The following ABLIM3 variants were observed in gnomAD, a reference collection of about 807,000 sequenced individuals.
ABLIM3 encodes actin binding LIM protein family member 3, also known as actin-binding LIM protein 3.
Under a neutral mutation model 109.5 loss-of-function variants are expected in ABLIM3, and 61 were observed. The observed-to-expected ratio is 0.56, with a 90% CI of 0.45 to 0.69. The LOEUF (loss-of-function observed/expected upper bound fraction) is 0.69. ABLIM3 is among the 30% of genes least tolerant of loss of function. The pLI is 0.00. For missense variants in ABLIM3, 796 were observed against 889.5 expected (o/e 0.89, Z 1.34); for synonymous variants, 300 against 324.8 (o/e 0.92, Z 0.82).
intron 15 of ABLIM3, 67 bp from the exon 16 acceptor site, chr5:149,244,814 A>T (rs1280102919): frequency 6.2e-7 from 1 of 1,603,644 alleles, no homozygotes; most frequent in Non-Finnish European, 8.5e-7. Flanking sequence ...TAAAGATAGG[A>T]AAAGGGTACA....
chr5:149,159,642 C>T (rs1561539452), intron 2 of ABLIM3, among the ~76,000 whole-genome samples: 1 of 152,196 alleles, frequency 6.6e-6, no homozygotes, highest in Non-Finnish European at 1.5e-5. Flanking sequence ...CCTGCTAACT[C>T]TGTGACCTCT....
intron 8 of ABLIM3, among the ~76,000 whole-genome samples, chr5:149,225,222 A>C (rs1761052250): frequency 7.0e-6 from 1 of 143,118 alleles, no homozygotes; most frequent in South Asian, 2.4e-4. Context: ...TGCATTCACA[A>C]TGTTGTACAA....
intron 2 of ABLIM3, among the ~76,000 whole-genome samples, chr5:149,168,710 A>G (rs1232851864): frequency 6.6e-6 from 1 of 152,266 alleles, no homozygotes. Flanking sequence ...AACACATCAG[A>G]GAAAATATAC....
chr5:149,222,856 C>G (rs1303447415), intron 8 of ABLIM3, among the ~76,000 whole-genome samples: 1 of 151,962 alleles, frequency 6.6e-6, no homozygotes, highest in Non-Finnish European at 1.5e-5. Context: ...CATGAAACCA[C>G]CCTCTAAAAG....
At chr5:149,214,862 C>A (rs764418259) in intron 7 of ABLIM3, among the ~76,000 whole-genome samples, 2 of 152,136 alleles carry the variant, frequency 1.3e-5, no homozygotes, top group Non-Finnish European at 2.9e-5. Context: ...CATTTTTGAA[C>A]CTGGTTTGCT....
chr5:149,143,776 C>T (rs1344595995), intron 2 of ABLIM3, among the ~76,000 whole-genome samples: 2 of 152,110 alleles, frequency 1.3e-5, no homozygotes, highest in African/African-American at 4.8e-5. Flanking sequence ...GAGGAAAATC[C>T]TGTAGCCTCT....
chr5:149,183,383 T>A, intron 2 of ABLIM3, 69 bp from the exon 3 acceptor site: 1 of 1,435,508 alleles, frequency 7.0e-7, no homozygotes. Flanking sequence ...ACAATTATGA[T>A]AATGTCTTGC....
At chr5:149,212,685 T>C (rs957011673) in intron 7 of ABLIM3, among the ~76,000 whole-genome samples, 3 of 152,144 alleles carry the variant, frequency 2.0e-5, no homozygotes, top group Non-Finnish European at 4.4e-5. Flanking sequence ...CAAAGAATTA[T>C]CTATTTCTGA....
At chr5:149,246,592 C>T in intron 17 of ABLIM3, 46 bp downstream of exon 17, 4 of 1,569,012 alleles carry the variant, frequency 2.5e-6, no homozygotes, top group Non-Finnish European at 3.5e-6. Flanking sequence ...GAGCGTATAT[C>T]ACTGAGGGTC....
At chr5:149,143,799 G>A (rs901325630) in intron 2 of ABLIM3, among the ~76,000 whole-genome samples, 1 of 152,076 alleles carries the variant, frequency 6.6e-6, no homozygotes, top group Non-Finnish European at 1.5e-5. Flanking sequence ...CAGCTAGTGG[G>A]TCACATGTTT....
chr5:149,229,600 T>C (rs1162228923), intron 8 of ABLIM3, among the ~76,000 whole-genome samples: 1 of 151,620 alleles, frequency 6.6e-6, no homozygotes, highest in Non-Finnish European at 1.5e-5. Context: ...CAACAAAGCA[T>C]AATATAAAGT....
intron 2 of ABLIM3, among the ~76,000 whole-genome samples, chr5:149,156,878 A>G (rs1753902433): frequency 6.6e-6 from 1 of 152,258 alleles, no homozygotes; most frequent in Non-Finnish European, 1.5e-5. Flanking sequence ...TAGAAGAATA[A>G]AGGTGAAGGG....
Position 149,200,222 on chromosome 5 carries a change from T to A in ABLIM3, c.336-94T>A, listed in dbSNP as rs554920607. On this transcript the variant is annotated intron_variant, in intron 4 of 23. Coordinates refer to ENST00000309868, the MANE Select transcript of ABLIM3 (RefSeq NM_014945.5). ...GCGTGGTGCTCTAGAAGTCAAGCTG[T>A]ATGTGTTACCAAAGTGCTTTGAGCA... 1.7e-5 allele frequency: 18 copies of A among 1,033,500 alleles called. No homozygotes were observed. The Admixed American group carries it at 3.3e-4, about 19-fold the overall frequency. The allele number at this position is 1,033,500 out of a possible 1,614,324, so 64.0% of individuals were successfully genotyped here.
At chr5:149,174,021 C>CAAAA (rs57000637) in intron 2 of ABLIM3, among the ~76,000 whole-genome samples, 82 of 39,712 alleles carry the variant, frequency 2.1e-3, no homozygotes, top group African/African-American at 2.7e-3. Flanking sequence ...GACTCCGTCT[C>CAAAA]AAAAAAAAAA....
intron 3 of ABLIM3, among the ~76,000 whole-genome samples, chr5:149,188,684 G>T (rs1007609739): frequency 3.3e-5 from 5 of 152,142 alleles, no homozygotes; most frequent in African/African-American, 4.8e-5. Flanking sequence ...CATCATGAGG[G>T]CCCCACCCTT....
chr5:149,250,989 G>A (rs1350333285), intron 20 of ABLIM3, among the ~76,000 whole-genome samples: 1 of 152,116 alleles, frequency 6.6e-6, no homozygotes, highest in Non-Finnish European at 1.5e-5. Context: ...TGAGCTCCCT[G>A]AGCGTGCTGT....
At chr5:149,223,122 ATTT>A (rs5872116) in intron 8 of ABLIM3, among the ~76,000 whole-genome samples, 13 of 148,140 alleles carry the variant, frequency 8.8e-5, no homozygotes, top group African/African-American at 3.2e-4. Flanking sequence ...GCGAGCTGCC[ATTT>A]TTTTTTTTAT....
At chr5:149,171,623 C>T (rs921402818) in intron 2 of ABLIM3, among the ~76,000 whole-genome samples, 1 of 152,166 alleles carries the variant, frequency 6.6e-6, no homozygotes, top group South Asian at 2.1e-4. Context: ...TTGGCTTCTG[C>T]TTTCTGTGAA....
intron 2 of ABLIM3, among the ~76,000 whole-genome samples, chr5:149,152,427 A>C (rs1163004286): frequency 1.3e-5 from 2 of 152,218 alleles, no homozygotes; most frequent in Non-Finnish European, 2.9e-5. Context: ...TAATGTCCTC[A>C]TGAAGTGAGC....
Sources: gnomAD v4.1 joint callset for allele counts (sites outside exome capture counted in the v4.1 genomes callset) on GRCh38, gnomAD v4.1.1 for gene constraint, MANE v1.5 for transcripts, NCBI Gene and HGNC (gene_info 2026-07-23, HGNC 2026-07-21) for gene names.